The following FAM169A variants were observed in gnomAD, a reference collection of about 807,000 sequenced individuals.
FAM169A encodes soluble lamin-associated protein of 75 kDa.
A neutral mutation model predicts 75.7 loss-of-function variants in FAM169A; 24 were observed. The observed-to-expected ratio is 0.32, with a 90% confidence interval of 0.23 to 0.45. FAM169A has a LOEUF of 0.45. Among genes scored for constraint, FAM169A ranks in the 20% least tolerant of loss-of-function variants. FAM169A has a pLI of 1.00. For synonymous variants in FAM169A, 271 were observed against 271.0 expected, an observed-to-expected ratio of 1.00 and a Z score of 0.00; for missense variants, 673 against 784.0, an observed-to-expected ratio of 0.86 and a Z score of 1.69.
chr5:74,804,558 G>C lies in FAM169A; in HGVS notation c.847C>G (p.Pro283Ala). 6.2e-7 allele frequency: 1 copy of C among 1,612,336 alleles called. No homozygotes were observed. Among genetic ancestry groups the C allele is most frequent in the Non-Finnish European group, 8.5e-7 (1 of 1,178,860 alleles). ...PKRPMSGEYG[P>A]ASVPEYEART... ...GCTTCGTATTCTGGAACAGATGCAG[G>C]ACCATATTCTCCAGACATAGGTCTT... Residue 283 changes from proline (P) to alanine (A), a missense_variant, in exon 8 of 13, where the codon CCT becomes GCT. By Grantham distance (27) the Pro-to-Ala change is conservative. Transcript: ENST00000687041.
chr5:74,866,391 G>T (rs967023272), upstream of FAM169A: 4 of 983,450 alleles, frequency 4.1e-6, no homozygotes, highest in Admixed American at 6.2e-5. Flanking sequence ...ACGCACTAGC[G>T]CCGCAGCGCC....
rs2112433529 is a variant in FAM169A, at chr5:74,777,862, A to G, written c.*3598T>C. 6.6e-6 allele frequency: 1 copy of G among 152,218 alleles called. No individual in the cohort carries two copies. The highest frequency in any genetic ancestry group is 2.4e-5 in the African/African-American group (1 of 41,576). The allele number at this position is 152,218 out of a possible 1,614,324, so 9.4% of individuals were successfully genotyped here. ...TCTGAATAATGTAACATTTTTTCTA[A>G]GTTCTATAAATATATACTGGAAGTT... On this transcript the variant is annotated 3_prime_UTR_variant, in exon 13 of 13. Coordinates refer to ENST00000687041, the MANE Select transcript of FAM169A (RefSeq NM_001376049.1).
At chr5:74,847,729 C>T (rs1327683908) in intron 1 of FAM169A, among the ~76,000 whole-genome samples, 1 of 152,140 alleles carries the variant, frequency 6.6e-6, no homozygotes, top group Non-Finnish European at 1.5e-5. Flanking sequence ...AGATCAAAGG[C>T]AAGTAGAATA....
At chr5:74,854,707 G>A (rs1018939016) in intron 1 of FAM169A, among the ~76,000 whole-genome samples, 3 of 152,132 alleles carry the variant, frequency 2.0e-5, no homozygotes, top group African/African-American at 7.2e-5. Flanking sequence ...AGCATGCAAA[G>A]TTCGTCTTTC....
Position 74,781,043 on chromosome 5 carries a change from A to ATTTAAAAC in FAM169A, c.*409_*416dup, listed in dbSNP as rs1022835062. The ATTTAAAAC allele has an allele frequency of 1.9e-5, 3 of 155,422 alleles. No homozygotes were observed. The highest frequency in any genetic ancestry group is 2.8e-5 in the Non-Finnish European group (2 of 70,394). The allele number at this position is 155,422 out of a possible 1,614,324, so 9.6% of individuals were successfully genotyped here. A position where few individuals can be genotyped will look rare whatever the true frequency, so the allele number is the denominator to read the frequency against. On this transcript the variant is annotated 3_prime_UTR_variant, in exon 13 of 13. Coordinates refer to ENST00000687041, the MANE Select transcript of FAM169A (RefSeq NM_001376049.1). Reference sequence around the variant, plus strand: ...TAAAAAATTGGTGATTAGTTTTGAAATTTAAAACTTCTAGAACCCTCACCA... The same window carrying ATTTAAAAC: ...TAAAAAATTGGTGATTAGTTTTGAAATTTAAAACTTTAAAACTTCTAGAACCCTCACCA...
chr5:74,815,511 T>A (rs1316612639), intron 5 of FAM169A, among the ~76,000 whole-genome samples: 1 of 152,146 alleles, frequency 6.6e-6, no homozygotes, highest in Non-Finnish European at 1.5e-5. Context: ...TTGCTGACAT[T>A]TAGTTAGGCT....
chr5:74,855,046 T>C (rs1405041420), intron 1 of FAM169A, among the ~76,000 whole-genome samples: 2 of 152,200 alleles, frequency 1.3e-5, no homozygotes, highest in Non-Finnish European at 2.9e-5. Flanking sequence ...CTGTTCTCCA[T>C]AGTGGTTATA....
rs751000166 is a variant in FAM169A at position 74,814,029 on chromosome 5, T to C, written c.491-10A>G. 2.6e-6 allele frequency: 4 copies of C among 1,514,390 alleles called. No homozygotes were observed. In the South Asian group the frequency reaches 4.2e-5, roughly 16 times the overall value. 93.8% of individuals were successfully genotyped at this position (1,514,390 alleles called of 1,614,324 possible). ...GAGGCACATATGCTTCCTGCAGTAA[T>C]AAGAACAGAAACCCAATAATTTCTC... On this transcript the variant is annotated splice_polypyrimidine_tract_variant and intron_variant, in intron 5 of 12. Transcript: ENST00000687041.
chr5:74,853,625 G>A (rs987744895), intron 1 of FAM169A, among the ~76,000 whole-genome samples: 4 of 151,992 alleles, frequency 2.6e-5, no homozygotes, highest in African/African-American at 9.7e-5. Context: ...CTCTGCTTAG[G>A]AGTTAAGTGT....
At position 74,800,940 on chromosome 5, in the gene FAM169A, C is replaced by G; in HGVS notation, c.1043G>C (p.Ser348Thr). 2.6e-6 allele frequency: 4 copies of G among 1,563,798 alleles called. No individual in the cohort carries two copies. Among genetic ancestry groups the G allele is most frequent in the Non-Finnish European group, 3.5e-6 (4 of 1,154,392 alleles). ...CTTTTCATCTTCACCTTGAGAACTG[C>G]TAAATTCAGAATCCTGAAACCGCTT... Reference protein sequence around the residue: ...IGKRFQDSEFSSSQGEDEKTS... With the variant: ...IGKRFQDSEFTSSQGEDEKTS... The change falls in exon 10 of 13, where the codon AGC (serine) becomes ACC (threonine). Residue 348 changes from serine (S) to threonine (T), a missense_variant. Ser to Thr is a moderately conservative substitution (Grantham distance 58). This residue lies in a region of FAM169A where 510 missense variants were observed against 550.9 expected (regional missense o/e 0.93). Transcript: ENST00000687041.
At chr5:74,787,554 G>T (rs532041609) in intron 11 of FAM169A, among the ~76,000 whole-genome samples, 1 of 152,296 alleles carries the variant, frequency 6.6e-6, no homozygotes, top group South Asian at 2.1e-4. Context: ...AGAGCTCTAT[G>T]ATTACTCTTC....
At chr5:74,855,282 A>T (rs1419678103) in intron 1 of FAM169A, among the ~76,000 whole-genome samples, 1 of 152,112 alleles carries the variant, frequency 6.6e-6, no homozygotes, top group East Asian at 1.9e-4. Context: ...TGCAGCCTCC[A>T]TCTCCTAGGC....
chr5:74,805,455 C>A (rs1007086880), intron 6 of FAM169A, among the ~76,000 whole-genome samples, 171 bp from the exon 7 acceptor site: 6 of 123,990 alleles, frequency 4.8e-5, no homozygotes, highest in African/African-American at 1.1e-4. Flanking sequence ...AATAAAAATT[C>A]TAAATAAAAA....
intron 6 of FAM169A, among the ~76,000 whole-genome samples, chr5:74,807,038 A>G (rs998148214): frequency 2.0e-5 from 3 of 152,226 alleles, no homozygotes; most frequent in Admixed American, 6.5e-5. Flanking sequence ...TTGCAACAGT[A>G]AAGTTGAAAA....
chr5:74,861,190 T>C (rs1366417524), intron 1 of FAM169A, among the ~76,000 whole-genome samples: 1 of 152,282 alleles, frequency 6.6e-6, no homozygotes, highest in African/African-American at 2.4e-5. Flanking sequence ...TTTTCAAAAA[T>C]TGTGTGCATT....
At chr5:74,805,976 CAA>C (rs370761667) in intron 6 of FAM169A, among the ~76,000 whole-genome samples, 41 of 85,236 alleles carry the variant, frequency 4.8e-4, no homozygotes, top group African/African-American at 1.5e-3. Context: ...TTAAAAGCTC[CAA>C]AAAAAAAAAA....
At position 74,864,196 on chromosome 5, in the gene FAM169A, CTTAA is replaced by C. The variant is rs934256174; in HGVS notation, c.-4+1965_-4+1968del. On this transcript the variant is annotated intron_variant, in intron 1 of 12. Transcript: ENST00000687041. ...GCATGGAAACTTTACCTCAAAAGCA[CTTAA>C]TTATTTTGTTTTCTCCAAATCAAAA... 2.0e-5 allele frequency among the ~76,000 whole-genome samples: 3 copies of C among 152,186 alleles called. No individual in the cohort carries two copies. The East Asian group carries it at 5.8e-4, about 29-fold the overall frequency.
intron 4 of FAM169A, among the ~76,000 whole-genome samples, chr5:74,835,601 CAAAAAAAA>C (rs35800429): frequency 2.0e-4 from 12 of 59,176 alleles, no homozygotes; most frequent in Admixed American, 3.4e-4. Context: ...GACTGTGTCT[CAAAAAAAA>C]AAAAAAAAAA....
chr5:74,792,695 T>A (rs1746042137), intron 11 of FAM169A, among the ~76,000 whole-genome samples: 1 of 152,056 alleles, frequency 6.6e-6, no homozygotes, highest in African/African-American at 2.4e-5. Context: ...GAAATGCAAA[T>A]CAAAACCACA....
Sources: allele counts gnomAD v4.1 joint callset (sites outside exome capture counted in the v4.1 genomes callset), GRCh38; gene constraint gnomAD v4.1.1; regional missense constraint gnomAD v4.1.1; transcripts MANE v1.5; gene names NCBI Gene and HGNC (gene_info 2026-07-23, HGNC 2026-07-21).